Variants in ZMYND12 observed in about 807,000 individuals in gnomAD.
ZMYND12 encodes the protein zinc finger MYND-type containing 12, also known as zinc finger MYND domain-containing protein 12.
Under a neutral mutation model 41.7 loss-of-function variants are expected in ZMYND12, and 32 were observed. The ratio of observed to expected loss-of-function variants is 0.77; its 90% CI spans 0.58 to 1.03. The LOEUF is 1.03. ZMYND12 is among the 50% of genes least tolerant of loss of function. ZMYND12 has a pLI of 0.00. For missense variants in ZMYND12, 424 were observed against 438.5 expected, an observed-to-expected ratio of 0.97 and a Z score of 0.30; for synonymous variants, 148 against 164.8, an observed-to-expected ratio of 0.90 and a Z score of 0.78.
intron 3 of ZMYND12, among the ~76,000 whole-genome samples, chr1:42,443,737 CTTCA>C (rs1642993151): frequency 6.6e-6 from 1 of 152,196 alleles, no homozygotes; most frequent in South Asian, 2.1e-4. Context: ...GAGGAGGCAA[CTTCA>C]TTCATTCATT....
rs1487713823 is a variant in ZMYND12 at position 42,430,946 on chromosome 1, G to T, written c.976-88C>A. Reference sequence around the variant, plus strand: ...CATCTGTGCTCAACTCCAGAAACATGAGAGAGAACTGACCACCTTTTCACA... The same window carrying T: ...CATCTGTGCTCAACTCCAGAAACATTAGAGAGAACTGACCACCTTTTCACA... On this transcript the variant is annotated intron_variant, in intron 7 of 7. Transcript: ENST00000372565. 4 of 1,551,616 alleles carry T rather than the reference G, an allele frequency of 2.6e-6. No homozygotes were observed. The East Asian group carries it at 9.3e-5, about 36-fold the overall frequency.
chr1:42,447,366 A>C (rs762314981), intron 3 of ZMYND12, among the ~76,000 whole-genome samples: 7 of 152,240 alleles, frequency 4.6e-5, no homozygotes, highest in Non-Finnish European at 1.0e-4. Context: ...ATTGGCCTGT[A>C]ACCTGTAAAA....
chr1:42,436,135 A>T (rs3762450), intron 5 of ZMYND12, among the ~76,000 whole-genome samples: 6 of 152,190 alleles, frequency 3.9e-5, no homozygotes, highest in Admixed American at 3.3e-4. Context: ...GGTATGACAC[A>T]GCATACAACA....
intron 7 of ZMYND12, 185 bp downstream of exon 7, chr1:42,432,958 T>A: frequency 1.5e-6 from 1 of 661,336 alleles, no homozygotes; most frequent in Non-Finnish European, 2.4e-6. Flanking sequence ...AAGAAGACAA[T>A]CCAATTTCCA....
intron 4 of ZMYND12, among the ~76,000 whole-genome samples, chr1:42,439,093 A>G (rs185007110): frequency 1.5e-3 from 222 of 152,354 alleles, no homozygotes; most frequent in African/African-American, 5.1e-3. Context: ...TTTTAAAATA[A>G]TAGCCAAGGT....
At chr1:42,445,181 C>T (rs988177925) in intron 3 of ZMYND12, among the ~76,000 whole-genome samples, 1 of 151,102 alleles carries the variant, frequency 6.6e-6, no homozygotes, top group African/African-American at 2.4e-5. Flanking sequence ...ACCTGTAATC[C>T]CAGCACTTTG....
intron 1 of ZMYND12, among the ~76,000 whole-genome samples, chr1:42,455,206 T>C (rs944428545): frequency 6.6e-6 from 1 of 152,238 alleles, no homozygotes; most frequent in Non-Finnish European, 1.5e-5. Flanking sequence ...TCACTACTCC[T>C]GTACACAGCA....
chr1:42,453,435 G>C (rs1228443581), intron 1 of ZMYND12, among the ~76,000 whole-genome samples: 1 of 152,130 alleles, frequency 6.6e-6, no homozygotes, highest in Non-Finnish European at 1.5e-5. Context: ...TGACAGGTCG[G>C]ACATAGATCA....
At chr1:42,455,007 TTTG>T (rs1426389770) in intron 1 of ZMYND12, among the ~76,000 whole-genome samples, 7 of 152,344 alleles carry the variant, frequency 4.6e-5, no homozygotes, top group East Asian at 1.9e-4. Context: ...TGTGCTCTTT[TTTG>T]TTGTTGTTGT....
At position 42,453,778 on chromosome 1, in the gene ZMYND12, C is replaced by G. The variant is rs368655570; in HGVS notation, c.110+2110G>C. Among the ~76,000 whole-genome samples the G allele has an allele frequency of 8.5e-5, 13 of 152,312 alleles. 1 individual carries two copies. In the East Asian group the frequency reaches 1.5e-3, roughly 18 times the overall value. On this transcript the variant is annotated intron_variant, in intron 1 of 7. Coordinates refer to ENST00000372565, the MANE Select transcript of ZMYND12 (RefSeq NM_032257.5). Reference sequence around the variant, plus strand: ...GGGTGACCCAAAGGCCTCTTAAACTCTATGCCTACAACCAAATCTGATGCC... The same window carrying G: ...GGGTGACCCAAAGGCCTCTTAAACTGTATGCCTACAACCAAATCTGATGCC...
chr1:42,433,479 A>T (rs1642876268), intron 6 of ZMYND12, among the ~76,000 whole-genome samples, 191 bp from the exon 7 acceptor site: 2 of 152,206 alleles, frequency 1.3e-5, no homozygotes, highest in African/African-American at 2.4e-5. Context: ...GCTCCGAAGC[A>T]GGAGTTTCAG....
At chr1:42,436,330 T>C (rs1642907312) in intron 5 of ZMYND12, 91 bp downstream of exon 5, 1 of 1,556,280 alleles carries the variant, frequency 6.4e-7, no homozygotes, top group Non-Finnish European at 8.8e-7. Context: ...CTCTTTCTCA[T>C]GAATGGTATG....
chr1:42,447,037 TA>T (rs1417123047), intron 3 of ZMYND12, among the ~76,000 whole-genome samples: 10 of 152,186 alleles, frequency 6.6e-5, no homozygotes. Flanking sequence ...TACAAATAAC[TA>T]AATGAATACA....
At chr1:42,439,188 T>A (rs980945618) in intron 4 of ZMYND12, among the ~76,000 whole-genome samples, 2 of 151,886 alleles carry the variant, frequency 1.3e-5, no homozygotes, top group African/African-American at 4.8e-5. Flanking sequence ...TTGCAGGTGA[T>A]GAAAGAGGTT....
intron 1 of ZMYND12, among the ~76,000 whole-genome samples, chr1:42,452,058 T>C (rs1643088651): frequency 6.6e-6 from 1 of 152,080 alleles, no homozygotes; most frequent in Non-Finnish European, 1.5e-5. Context: ...ATTATCATGT[T>C]TTTTTTTAAG....
At chr1:42,446,530 T>C (rs185665617) in intron 3 of ZMYND12, among the ~76,000 whole-genome samples, 45 of 152,074 alleles carry the variant, frequency 3.0e-4, no homozygotes, top group South Asian at 2.7e-3. Flanking sequence ...CACACACCTG[T>C]TGTCCCAGCT....
intron 4 of ZMYND12, among the ~76,000 whole-genome samples, chr1:42,439,279 T>TG (rs1327848167): frequency 6.6e-6 from 1 of 151,884 alleles, no homozygotes; most frequent in Non-Finnish European, 1.5e-5. Context: ...CTCTTTTTTT[T>TG]TTTTTGAGAC....
intron 3 of ZMYND12, among the ~76,000 whole-genome samples, chr1:42,441,028 A>C (rs918881229): frequency 2.6e-5 from 4 of 152,204 alleles, no homozygotes; most frequent in African/African-American, 9.7e-5. Flanking sequence ...ATTGTGAAAT[A>C]TATATATGCA....
At chr1:42,445,642 C>T (rs1182149791) in intron 3 of ZMYND12, among the ~76,000 whole-genome samples, 1 of 151,750 alleles carries the variant, frequency 6.6e-6, no homozygotes, top group Non-Finnish European at 1.5e-5. Flanking sequence ...GAGAGAAGGC[C>T]GGTCGGTGTA....
Sources: gnomAD v4.1 joint callset for allele counts (sites outside exome capture counted in the v4.1 genomes callset) on GRCh38, gnomAD v4.1.1 for gene constraint, MANE v1.5 for transcripts, NCBI Gene and HGNC (gene_info 2026-07-23, HGNC 2026-07-21) for gene names.